The following SHANK2 variants were observed in gnomAD, a reference collection of about 807,000 sequenced individuals.
SHANK2 encodes SH3 and multiple ankyrin repeat domains protein 2.
A neutral mutation model predicts 133.7 loss-of-function variants in SHANK2; 43 were observed. That is an observed-to-expected ratio of 0.32 (90% CI 0.25 to 0.41). The LOEUF is 0.41. SHANK2 is among the 10% of genes least tolerant of loss of function. SHANK2 has a pLI of 1.00. For synonymous variants in SHANK2, 1,017 were observed against 952.8 expected (o/e 1.07, Z -1.24); for missense variants, 1,994 against 2,235.8 (o/e 0.89, Z 2.18).
intron 14 of SHANK2, among the ~76,000 whole-genome samples, chr11:70,771,868 G>A (rs1488857065): frequency 1.3e-5 from 2 of 152,216 alleles, no homozygotes; most frequent in East Asian, 3.8e-4. Context: ...CCCCTGGTCT[G>A]TGCCATCAAG....
At chr11:71,062,762 G>C (rs1409534617) in intron 9 of SHANK2, among the ~76,000 whole-genome samples, 9 of 152,128 alleles carry the variant, frequency 5.9e-5, no homozygotes, top group African/African-American at 2.2e-4. Context: ...TTGGGAGGCT[G>C]AGGTGGGAGG....
At chr11:70,927,087 G>A (rs11238004) in intron 10 of SHANK2, among the ~76,000 whole-genome samples, 55,016 of 152,060 alleles carry the variant, frequency 0.36, 14,330 homozygotes, top group African/African-American at 0.74. Flanking sequence ...CACACATCAT[G>A]TGCTTGCCAA....
At chr11:70,885,547 C>A (rs965394856) in intron 11 of SHANK2, among the ~76,000 whole-genome samples, 1 of 152,150 alleles carries the variant, frequency 6.6e-6, no homozygotes, top group South Asian at 2.1e-4. Context: ...GGCCGCAGGG[C>A]GGGCTCCAGT....
intron 17 of SHANK2, among the ~76,000 whole-genome samples, chr11:70,591,556 G>A (rs201336924): frequency 2.7e-5 from 4 of 150,392 alleles, no homozygotes; most frequent in African/African-American, 4.9e-5. Flanking sequence ...AAAAGAAAAA[G>A]AAAAAAAAAG....
intron 17 of SHANK2, among the ~76,000 whole-genome samples, chr11:70,517,119 A>G (rs2059275749): frequency 6.6e-6 from 1 of 152,222 alleles, no homozygotes. Flanking sequence ...CAGATGGCAA[A>G]TAAATGCTCC....
chr11:70,524,721 C>G (rs1554971795), intron 17 of SHANK2, among the ~76,000 whole-genome samples: 1 of 152,186 alleles, frequency 6.6e-6, no homozygotes, highest in African/African-American at 2.4e-5. Context: ...GCTTCGGATG[C>G]CTTCTATGCA....
At chr11:70,495,723 C>T in intron 21 of SHANK2, 1 of 174,014 alleles carries the variant, frequency 5.7e-6, no homozygotes. Context: ...GCAGCATGTA[C>T]CTCCATGAAC....
chr11:70,566,100 C>G (rs1255189611), intron 17 of SHANK2, among the ~76,000 whole-genome samples: 2 of 152,116 alleles, frequency 1.3e-5, no homozygotes, highest in South Asian at 2.1e-4. Context: ...GGGGTTTCCC[C>G]TTATAAAATC....
chr11:70,621,423 A>T (rs546528533), intron 17 of SHANK2, among the ~76,000 whole-genome samples: 52 of 152,246 alleles, frequency 3.4e-4, no homozygotes, highest in African/African-American at 1.2e-3. Flanking sequence ...CCTGCACACC[A>T]TCTGCCCATT....
intron 14 of SHANK2, among the ~76,000 whole-genome samples, chr11:70,718,050 C>G (rs900442609): frequency 6.6e-6 from 1 of 152,060 alleles, no homozygotes; most frequent in Non-Finnish European, 1.5e-5. Flanking sequence ...CTTTTTTTTC[C>G]CCTAGTGCCA....
At chr11:70,571,579 G>C (rs1554983095) in intron 17 of SHANK2, among the ~76,000 whole-genome samples, 1 of 152,178 alleles carries the variant, frequency 6.6e-6, no homozygotes, top group Non-Finnish European at 1.5e-5. Context: ...GACCCCACAG[G>C]CTAATACAGT....
In SHANK2 at chr11:71,248,358, C is replaced by T. The variant is rs550449703; in HGVS notation, c.-113+4067G>A. Among the ~76,000 whole-genome samples the T allele has an allele frequency of 5.3e-5, 8 of 152,336 alleles. No homozygotes were observed. The East Asian group carries it at 5.8e-4, about 11-fold the overall frequency. Reference sequence around the variant, plus strand: ...CTGACCGCAGCGCGATTTCACAGCACGGGAACCAGAAGACTAATTTTCTAA... The same window carrying T: ...CTGACCGCAGCGCGATTTCACAGCATGGGAACCAGAAGACTAATTTTCTAA... On this transcript the variant is annotated intron_variant, in intron 1 of 25. Transcript: ENST00000601538.
At chr11:71,248,305 A>T (rs1381796514) in intron 1 of SHANK2, among the ~76,000 whole-genome samples, 2 of 152,266 alleles carry the variant, frequency 1.3e-5, no homozygotes, top group African/African-American at 4.8e-5. Context: ...CACATCAAGA[A>T]GTATGATGAG....
At chr11:70,729,974 G>A (rs1289825666) in intron 14 of SHANK2, among the ~76,000 whole-genome samples, 2 of 151,242 alleles carry the variant, frequency 1.3e-5, no homozygotes, top group African/African-American at 4.9e-5. Context: ...ACCACCTAGG[G>A]GTTCATGATG....
intron 17 of SHANK2, among the ~76,000 whole-genome samples, chr11:70,649,606 G>A (rs2061315715): frequency 6.6e-6 from 1 of 152,190 alleles, no homozygotes; most frequent in South Asian, 2.1e-4. Flanking sequence ...AGAGCCTGCT[G>A]AGAACACTGG....
chr11:71,064,592 G>A (rs1253701160), intron 9 of SHANK2, among the ~76,000 whole-genome samples: 1 of 152,080 alleles, frequency 6.6e-6, no homozygotes, highest in Non-Finnish European at 1.5e-5. Context: ...TGGAAGGAAA[G>A]AGGCTGGATG....
intron 10 of SHANK2, among the ~76,000 whole-genome samples, chr11:70,934,264 A>AC (rs1950541458): frequency 6.6e-6 from 1 of 150,734 alleles, no homozygotes; most frequent in Non-Finnish European, 1.5e-5. Flanking sequence ...AAAAAAAAAA[A>AC]CAGCAGCAAC....
At chr11:71,133,909 C>T (rs1952383508) in intron 3 of SHANK2, among the ~76,000 whole-genome samples, 1 of 146,722 alleles carries the variant, frequency 6.8e-6, no homozygotes, top group Non-Finnish European at 1.5e-5. Context: ...AAAGGGCAGC[C>T]CAAAGGAAAA....
chr11:70,621,206 A>G (rs1344472490), intron 17 of SHANK2, among the ~76,000 whole-genome samples: 7 of 152,136 alleles, frequency 4.6e-5, no homozygotes, highest in East Asian at 1.9e-4. Context: ...GGAAGACCCA[A>G]TTTCTGGGGT....
Sources: allele counts gnomAD v4.1 joint callset (sites outside exome capture counted in the v4.1 genomes callset), GRCh38; gene constraint gnomAD v4.1.1; transcripts MANE v1.5; gene names NCBI Gene and HGNC (gene_info 2026-07-23, HGNC 2026-07-21).